Variants in ERICH6B observed in about 807,000 individuals in gnomAD.
The protein encoded by ERICH6B is glutamate rich 6B.
ERICH6B carries 69 observed loss-of-function variants against 80.0 expected under a neutral mutation model. That is an observed-to-expected ratio of 0.86 (90% CI 0.71 to 1.05). The LOEUF is 1.05. Ranked by LOEUF, ERICH6B falls within the 50% of genes least tolerant of loss-of-function variation. The pLI, the probability that ERICH6B is intolerant of heterozygous loss-of-function variation, is 0.00. For missense variants in ERICH6B, 754 were observed against 796.1 expected (o/e 0.95, Z 0.64); for synonymous variants, 283 against 291.9 (o/e 0.97, Z 0.31).
At chr13:45,558,837 T>C (rs1360573094) in intron 11 of ERICH6B, among the ~76,000 whole-genome samples, 1 of 152,186 alleles carries the variant, frequency 6.6e-6, no homozygotes, top group Non-Finnish European at 1.5e-5. Flanking sequence ...GGTTAGTTAG[T>C]ATTTTGTTAA....
At chr13:45,546,866 C>T (rs576876847) in intron 13 of ERICH6B, among the ~76,000 whole-genome samples, 22 of 152,334 alleles carry the variant, frequency 1.4e-4, no homozygotes, top group Non-Finnish European at 2.8e-4. Flanking sequence ...GACTTCCAGT[C>T]ACTCAATCCC....
chr13:45,586,069 G>A (rs374029494), intron 5 of ERICH6B, among the ~76,000 whole-genome samples: 24 of 152,062 alleles, frequency 1.6e-4, no homozygotes, highest in East Asian at 1.2e-3. Context: ...AGATTTTCTC[G>A]GTGGTCATGC....
rs1488562840 is a variant in ERICH6B, at chr13:45,612,080, C to T, written c.-111+3605G>A. ...CAGGTATTTACATGGATTGATGTTA[C>T]ATTTCATCTTGCAGGTTTTGCCTTA... On this transcript the variant is annotated intron_variant, in intron 1 of 14. Coordinates refer to ENST00000298738, the MANE Select transcript of ERICH6B (RefSeq NM_182542.3). Among the ~76,000 whole-genome samples, 5 of 152,364 alleles carry T rather than the reference C, an allele frequency of 3.3e-5. No homozygotes were observed. The East Asian group carries it at 9.6e-4, about 29-fold the overall frequency.
intron 11 of ERICH6B, among the ~76,000 whole-genome samples, chr13:45,552,384 C>T (rs1197714034): frequency 1.3e-5 from 2 of 152,078 alleles, no homozygotes; most frequent in Non-Finnish European, 2.9e-5. Flanking sequence ...CAGAAGCTCA[C>T]TCTTCTGGTT....
At chr13:45,547,848 T>C (rs1252823316) in intron 13 of ERICH6B, among the ~76,000 whole-genome samples, 1 of 152,162 alleles carries the variant, frequency 6.6e-6, no homozygotes, top group Non-Finnish European at 1.5e-5. Flanking sequence ...AGGATTCCAG[T>C]AGCAACACTA....
intron 9 of ERICH6B, among the ~76,000 whole-genome samples, chr13:45,567,061 G>T (rs967403345): frequency 1.3e-5 from 2 of 152,206 alleles, no homozygotes; most frequent in Non-Finnish European, 2.9e-5. Context: ...GAACTTTAGG[G>T]TTTAATGACT....
intron 2 of ERICH6B, among the ~76,000 whole-genome samples, chr13:45,599,708 G>A (rs536084796): frequency 6.6e-6 from 1 of 152,222 alleles, no homozygotes; most frequent in East Asian, 1.9e-4. Context: ...TGATTATATG[G>A]CACTTAGCAT....
chr13:45,595,001 A>G (rs974007551), intron 3 of ERICH6B, among the ~76,000 whole-genome samples: 1 of 152,212 alleles, frequency 6.6e-6, no homozygotes, highest in South Asian at 2.1e-4. Flanking sequence ...AATAAAACCC[A>G]ACATGAGGAA....
At chr13:45,558,521 G>C (rs1434685731) in intron 11 of ERICH6B, among the ~76,000 whole-genome samples, 1 of 152,172 alleles carries the variant, frequency 6.6e-6, no homozygotes, top group Non-Finnish European at 1.5e-5. Flanking sequence ...AGTTCTCAGA[G>C]GGAATGCTTT....
chr13:45,543,043 C>T (rs994024791), intron 14 of ERICH6B, among the ~76,000 whole-genome samples: 1 of 152,218 alleles, frequency 6.6e-6, no homozygotes, highest in Non-Finnish European at 1.5e-5. Context: ...TCCCAGGGGA[C>T]ATGTCCATCT....
rs1330900272 is a variant in ERICH6B at position 45,563,777 on chromosome 13, T to A, written c.1199A>T (p.Asn400Ile). The A allele has an allele frequency of 2.6e-6, 4 of 1,552,258 alleles. No individual in the cohort carries two copies. The Admixed American group carries it at 7.8e-5, about 30-fold the overall frequency. Residue 400 changes from asparagine (N) to isoleucine (I), a missense_variant, in exon 10 of 15, where the codon AAT becomes ATT. Coordinates refer to ENST00000298738, the MANE Select transcript of ERICH6B (RefSeq NM_182542.3). The stretch of plus-strand genomic sequence containing the variant: ...GATTGTTTCCTTGAACTTTTCATAA[T>A]TTTTCTTCAGCCTAAAAGGAAAGTG... Reference protein sequence around the residue: ...RWKLVIMLKKNYEKFKETILR... With the variant: ...RWKLVIMLKKIYEKFKETILR...
At chr13:45,599,559 G>A (rs1488325370) in intron 2 of ERICH6B, among the ~76,000 whole-genome samples, 2 of 152,126 alleles carry the variant, frequency 1.3e-5, no homozygotes. Context: ...CTAACCTTAG[G>A]TTACTTCAGG....
chr13:45,609,631 T>C (rs935859698), intron 1 of ERICH6B, among the ~76,000 whole-genome samples: 1 of 152,214 alleles, frequency 6.6e-6, no homozygotes, highest in Non-Finnish European at 1.5e-5. Context: ...CGACAAATAA[T>C]TGACAAAATT....
chr13:45,575,139 A>T (rs1875340032), intron 7 of ERICH6B, among the ~76,000 whole-genome samples: 1 of 152,266 alleles, frequency 6.6e-6, no homozygotes, highest in South Asian at 2.1e-4. Flanking sequence ...TAAGAGGGTC[A>T]GTCTCAGTAG....
chr13:45,563,633 T>C, intron 10 of ERICH6B, 94 bp downstream of exon 10: 1 of 1,185,046 alleles, frequency 8.4e-7, no homozygotes, highest in Non-Finnish European at 1.2e-6. Context: ...AATGAGCCCT[T>C]CCACCTTCTT....
chr13:45,615,305 T>G (rs1346835383), intron 1 of ERICH6B, among the ~76,000 whole-genome samples: 1 of 152,192 alleles, frequency 6.6e-6, no homozygotes, highest in Non-Finnish European at 1.5e-5. Context: ...GTTGGGGGAC[T>G]GGTCTATATT....
chr13:45,577,877 G>A (rs1220638912), intron 7 of ERICH6B, among the ~76,000 whole-genome samples: 1 of 152,214 alleles, frequency 6.6e-6, no homozygotes, highest in Admixed American at 6.5e-5. Flanking sequence ...ATAGGCATGA[G>A]CCACTGCACC....
chr13:45,611,119 T>C (rs1484596747), intron 1 of ERICH6B, among the ~76,000 whole-genome samples: 1 of 152,180 alleles, frequency 6.6e-6, no homozygotes, highest in Non-Finnish European at 1.5e-5. Flanking sequence ...TTCTTTCCTT[T>C]TCTTTAACTA....
intron 5 of ERICH6B, among the ~76,000 whole-genome samples, chr13:45,584,942 C>T (rs532268128): frequency 2.6e-5 from 4 of 152,286 alleles, no homozygotes; most frequent in Admixed American, 1.3e-4. Context: ...TCCCTTTCCT[C>T]CACCTCCTCC....
Sources: gnomAD v4.1 joint callset for allele counts (sites outside exome capture counted in the v4.1 genomes callset) on GRCh38, gnomAD v4.1.1 for gene constraint, MANE v1.5 for transcripts, NCBI Gene and HGNC (gene_info 2026-07-23, HGNC 2026-07-21) for gene names.